ROS1: variants seen among roughly 807,000 people sequenced by gnomAD.
ROS1 encodes the protein ROS proto-oncogene 1, receptor tyrosine kinase.
Under a neutral mutation model 273.5 loss-of-function variants are expected in ROS1, and 263 were observed. The ratio of observed to expected loss-of-function variants is 0.96; its 90% CI spans 0.87 to 1.06. The LOEUF (loss-of-function observed/expected upper bound fraction) is 1.06, where lower values mean the gene tolerates loss of function less well. Ranked by LOEUF, ROS1 falls within the 50% of genes least tolerant of loss-of-function variation. The pLI, the probability that ROS1 is intolerant of heterozygous loss-of-function variation, is 0.00. For missense variants in ROS1, 2,833 were observed against 2,751.1 expected, an observed-to-expected ratio of 1.03 and a Z score of -0.67; for synonymous variants, 1,008 against 954.1, an observed-to-expected ratio of 1.06 and a Z score of -1.04.
At chr6:117,391,095 C>A (rs891659423) in intron 12 of ROS1, among the ~76,000 whole-genome samples, 2 of 152,176 alleles carry the variant, frequency 1.3e-5, no homozygotes, top group Non-Finnish European at 2.9e-5. Context: ...TAGTTCTGCT[C>A]TAATTCCCCT....
chr6:117,406,964 T>G (rs561673544), intron 5 of ROS1, among the ~76,000 whole-genome samples: 1 of 152,082 alleles, frequency 6.6e-6, no homozygotes, highest in Non-Finnish European at 1.5e-5. Flanking sequence ...TCTAAAATAC[T>G]CCATGGCTCC....
chr6:117,306,837 C>A (rs2128543674), intron 42 of ROS1, among the ~76,000 whole-genome samples: 1 of 152,202 alleles, frequency 6.6e-6, no homozygotes, highest in Admixed American at 6.5e-5. Flanking sequence ...ATTTCCTAGC[C>A]CAGCTTGTTT....
chr6:117,353,309 T>C (rs1779035269), intron 26 of ROS1, 143 bp from the exon 27 acceptor site: 1 of 630,352 alleles, frequency 1.6e-6, no homozygotes, highest in Non-Finnish European at 2.6e-6. Flanking sequence ...CTTTATTTTA[T>C]GTCATTTGAC....
intron 23 of ROS1, 78 bp from the exon 24 acceptor site, chr6:117,360,089 G>A: frequency 2.5e-6 from 3 of 1,217,470 alleles, no homozygotes; most frequent in South Asian, 2.8e-5. Context: ...TTAATATCTG[G>A]CAGTTTTGAA....
intron 7 of ROS1, among the ~76,000 whole-genome samples, chr6:117,398,542 G>C (rs1041751187): frequency 3.9e-5 from 6 of 152,098 alleles, no homozygotes; most frequent in African/African-American, 1.4e-4. Context: ...AGCCAGGCAT[G>C]GTGGCGCATG....
Position 117,311,001 on chromosome 6 carries a change from A to G in ROS1, c.6215+19T>C, listed in dbSNP as rs374876076. 5 of 1,505,808 alleles carry G rather than the reference A, an allele frequency of 3.3e-6. No individual in the cohort carries two copies. Among genetic ancestry groups the G allele is most frequent in the Non-Finnish European group, 4.6e-6 (5 of 1,086,816 alleles). 93.3% of individuals were successfully genotyped at this position (1,505,808 alleles called of 1,614,324 possible). A position where few individuals can be genotyped will look rare whatever the true frequency, so the allele number is the denominator to read the frequency against. ...GTGCCAATATCCGTAATAACCCTGT[A>G]TCCAGAAGAGAATTGTACCTGTGAA... On this transcript the variant is annotated intron_variant, in intron 40 of 43. Transcript: ENST00000368507.
chr6:117,291,639 T>C (rs547006273), intron 43 of ROS1, among the ~76,000 whole-genome samples: 8 of 152,334 alleles, frequency 5.3e-5, no homozygotes, highest in African/African-American at 1.9e-4. Flanking sequence ...ATCTGTAAAA[T>C]GGTGATATAG....
chr6:117,412,613 T>C (rs201376503), intron 4 of ROS1, among the ~76,000 whole-genome samples: 6 of 91,026 alleles, frequency 6.6e-5, no homozygotes, highest in African/African-American at 1.9e-4. Flanking sequence ...GACAGATAGA[T>C]AGATAGATAG....
At chr6:117,386,469 A>G (rs938584255) in intron 15 of ROS1, among the ~76,000 whole-genome samples, 8 of 152,252 alleles carry the variant, frequency 5.3e-5, no homozygotes, top group African/African-American at 1.9e-4. Flanking sequence ...ATTACTTAAT[A>G]ATCCTCTTTG....
intron 17 of ROS1, among the ~76,000 whole-genome samples, chr6:117,381,880 G>A (rs1772183222): frequency 6.6e-6 from 1 of 152,030 alleles, no homozygotes; most frequent in East Asian, 1.9e-4. Flanking sequence ...ATAAGCGTTT[G>A]GAGGGGGGAT....
chr6:117,391,045 C>T (rs1286307164), intron 12 of ROS1, among the ~76,000 whole-genome samples: 1 of 152,144 alleles, frequency 6.6e-6, no homozygotes, highest in Non-Finnish European at 1.5e-5. Context: ...GCATTCCAAC[C>T]TCTCATCAAA....
intron 42 of ROS1, among the ~76,000 whole-genome samples, chr6:117,306,245 C>T (rs528203721): frequency 3.3e-4 from 50 of 152,174 alleles, no homozygotes; most frequent in South Asian, 6.2e-4. Flanking sequence ...ACTTATTATA[C>T]CTAATCCTGG....
At chr6:117,418,353 A>C in intron 2 of ROS1, 109 bp downstream of exon 2, 1 of 757,850 alleles carries the variant, frequency 1.3e-6, no homozygotes, top group South Asian at 1.8e-5. Flanking sequence ...TCCAGCAAGG[A>C]TAAATGAGAT....
intron 27 of ROS1, among the ~76,000 whole-genome samples, chr6:117,344,840 A>G (rs77293473): frequency 0.021 from 3,130 of 152,288 alleles, 76 homozygotes; most frequent in East Asian, 0.076. Context: ...GCACAACTCC[A>G]GGGAGCCCCA....
chr6:117,291,508 C>A (rs1316407067), intron 43 of ROS1, among the ~76,000 whole-genome samples: 2 of 152,140 alleles, frequency 1.3e-5, no homozygotes, highest in Non-Finnish European at 2.9e-5. Flanking sequence ...TTGTTTGGGC[C>A]ATTTCCCTAC....
chr6:117,378,985 G>T, intron 18 of ROS1, 74 bp downstream of exon 18: 1 of 883,530 alleles, frequency 1.1e-6, no homozygotes, highest in South Asian at 1.5e-5. Flanking sequence ...AGGAATAAAT[G>T]AATTTCCATG....
In ROS1 at chr6:117,357,843, T is replaced by C. The variant is rs781664984; in HGVS notation, c.3800A>G (p.Asn1267Ser). The C allele has an allele frequency of 2.5e-6, 4 of 1,613,050 alleles. No homozygotes were observed. The highest frequency in any genetic ancestry group is 1.7e-4 in the Middle Eastern group (1 of 5,986). The change falls in exon 25 of 44, where the codon AAT becomes AGT. Residue 1267 changes from asparagine to serine, a missense_variant. Physicochemically the swap from Asn to Ser is conservative, Grantham distance 46. Transcript: ENST00000368507. ...TACAGAAAAAGAAATTATTGTTGAA[T>C]TCCTATTGTGAATCTTCACCTCTCT... ...YPREVKIHNR[N>S]STIISFSVYP...
chr6:117,305,323 G>A (rs1041754087), intron 42 of ROS1, among the ~76,000 whole-genome samples: 2 of 152,184 alleles, frequency 1.3e-5, no homozygotes, highest in Non-Finnish European at 2.9e-5. Context: ...GGAGGCCCGG[G>A]AAGAGGAAGG....
At chr6:117,409,195 C>G (rs9489150) in intron 5 of ROS1, among the ~76,000 whole-genome samples, 2 of 151,026 alleles carry the variant, frequency 1.3e-5, no homozygotes, top group Non-Finnish European at 2.9e-5. Context: ...GCACATGTAC[C>G]CTAAAACTTA....
Sources: allele counts gnomAD v4.1 joint callset (sites outside exome capture counted in the v4.1 genomes callset), GRCh38; gene constraint gnomAD v4.1.1; transcripts MANE v1.5; gene names NCBI Gene and HGNC (gene_info 2026-07-23, HGNC 2026-07-21).